PPP4R3B: variants seen among roughly 807,000 people sequenced by gnomAD.
The protein encoded by PPP4R3B is protein phosphatase 4 regulatory subunit 3B, also known as serine/threonine-protein phosphatase 4 regulatory subunit 3B.
PPP4R3B carries 52 observed loss-of-function variants against 95.4 expected under a neutral mutation model. That is an observed-to-expected ratio of 0.54 (90% CI 0.44 to 0.69). The LOEUF is 0.69. PPP4R3B is among the 30% of genes least tolerant of loss of function. The pLI, the probability that PPP4R3B is intolerant of heterozygous loss-of-function variation, is 0.00. For missense variants in PPP4R3B, 1,003 were observed against 1,005.9 expected, an observed-to-expected ratio of 1.00 and a Z score of 0.04; for synonymous variants, 407 against 343.9, an observed-to-expected ratio of 1.18 and a Z score of -2.03.
At chr2:55,597,226 C>T (rs930743235) in intron 4 of PPP4R3B, among the ~76,000 whole-genome samples, 8 of 152,122 alleles carry the variant, frequency 5.3e-5, no homozygotes, top group African/African-American at 1.9e-4. Flanking sequence ...GTGACTCATG[C>T]CTGTAATCCA....
chr2:55,604,499 T>C (rs1460137328), intron 2 of PPP4R3B, among the ~76,000 whole-genome samples: 1 of 152,068 alleles, frequency 6.6e-6, no homozygotes, highest in Non-Finnish European at 1.5e-5. Context: ...TGAAAATAGG[T>C]TAAGGCTTAA....
intron 3 of PPP4R3B, among the ~76,000 whole-genome samples, chr2:55,600,464 A>AGGGGT (rs1277587038): frequency 4.8e-5 from 6 of 125,120 alleles, no homozygotes; most frequent in Admixed American, 2.6e-4. Flanking sequence ...AAAGGCGGGC[A>AGGGGT]GGGGTGGTTA....
At chr2:55,554,996 T>C (rs1314355087) in intron 16 of PPP4R3B, among the ~76,000 whole-genome samples, 2 of 152,088 alleles carry the variant, frequency 1.3e-5, no homozygotes, top group South Asian at 4.1e-4. Flanking sequence ...AAAAGGGTAT[T>C]GTGGCCGGGC....
rs781583024 is a variant in PPP4R3B at position 55,549,185 on chromosome 2, T to C, written c.*726A>G. 4.6e-5 allele frequency: 7 copies of C among 152,294 alleles called. No homozygotes were observed. The highest frequency in any genetic ancestry group is 1.0e-4 in the Non-Finnish European group (7 of 68,034). 9.4% of individuals were successfully genotyped at this position (152,294 alleles called of 1,614,324 possible). ...TTTCAAATTTCTAGAGAAAATCATT[T>C]TGGAATACTACTGTACTGATTCTTG... On this transcript the variant is annotated 3_prime_UTR_variant, in exon 17 of 17. Transcript: ENST00000616407.
At chr2:55,576,641 G>A (rs1688713405) in intron 11 of PPP4R3B, among the ~76,000 whole-genome samples, 1 of 151,942 alleles carries the variant, frequency 6.6e-6, no homozygotes, top group Admixed American at 6.6e-5. Context: ...GGCGGAGCTT[G>A]CAGTGAGCCG....
chr2:55,573,891 T>TC (rs1688315702), intron 11 of PPP4R3B, 114 bp from the exon 12 acceptor site: 1 of 713,610 alleles, frequency 1.4e-6, no homozygotes. Context: ...TCCTCCTTTT[T>TC]TTTTTTTTTT....
chr2:55,572,722 G>A (rs956137011), intron 12 of PPP4R3B, among the ~76,000 whole-genome samples: 3 of 152,092 alleles, frequency 2.0e-5, no homozygotes, highest in Non-Finnish European at 4.4e-5. Context: ...CCTATAGAAA[G>A]AAATAAATCA....
At chr2:55,582,798 G>T (rs542151332) in intron 7 of PPP4R3B, among the ~76,000 whole-genome samples, 3 of 152,124 alleles carry the variant, frequency 2.0e-5, no homozygotes, top group South Asian at 2.1e-4. Flanking sequence ...ATTAACCTAA[G>T]ATTTTATTAT....
chr2:55,560,885 T>C (rs1686520529), intron 15 of PPP4R3B, among the ~76,000 whole-genome samples: 1 of 151,446 alleles, frequency 6.6e-6, no homozygotes, highest in African/African-American at 2.4e-5. Context: ...TTAGAATTTA[T>C]ATTTAAAAGG....
In PPP4R3B at chr2:55,568,247, G is replaced by T. The variant is rs2103987060; in HGVS notation, c.1882C>A (p.Arg628=). 1.2e-6 allele frequency: 2 copies of T among 1,604,282 alleles called. No individual in the cohort carries two copies. The highest frequency in any genetic ancestry group is 2.2e-5 in the South Asian group (2 of 89,048). The part of the protein sequence containing the change: ...VINALLDNGT[R]YNLLNSAVIE... ...ACAGCTGAATTCAACAGATTATACC[G>T]AGTTCCATTATCCAGAAGTGCATTT... is the stretch of plus-strand genomic sequence containing the variant. The change falls in exon 13 of 17, where the codon CGG becomes AGG. Residue 628 remains arginine, a synonymous_variant. Coordinates refer to ENST00000616407, the MANE Select transcript of PPP4R3B (RefSeq NM_001122964.3).
intron 4 of PPP4R3B, among the ~76,000 whole-genome samples, chr2:55,589,341 G>C: frequency 2.4e-5 from 1 of 42,478 alleles, no homozygotes; most frequent in East Asian, 2.6e-4. Context: ...TAACAGATTA[G>C]AAAAACAAGA....
intron 5 of PPP4R3B, among the ~76,000 whole-genome samples, chr2:55,587,670 C>T (rs1281197618): frequency 3.9e-5 from 6 of 152,174 alleles, no homozygotes; most frequent in African/African-American, 1.4e-4. Flanking sequence ...GCAAAAATGC[C>T]AGGTAATAAA....
chr2:55,591,484 G>A, intron 4 of PPP4R3B: 1 of 970,276 alleles, frequency 1.0e-6, no homozygotes, highest in Non-Finnish European at 1.2e-6. Flanking sequence ...TTTAGGTTAG[G>A]GTGAGTAAGT....
At chr2:55,594,722 T>C (rs1042648870) in intron 4 of PPP4R3B, among the ~76,000 whole-genome samples, 1 of 152,188 alleles carries the variant, frequency 6.6e-6, no homozygotes, top group Non-Finnish European at 1.5e-5. Flanking sequence ...GATTATTAAA[T>C]GTTTTTCTGT....
At chr2:55,588,228 T>C (rs776178261) in intron 5 of PPP4R3B, among the ~76,000 whole-genome samples, 2 of 152,162 alleles carry the variant, frequency 1.3e-5, no homozygotes, top group African/African-American at 4.8e-5. Flanking sequence ...AAGAAAAGCA[T>C]TGCGGCTAGG....
intron 4 of PPP4R3B, among the ~76,000 whole-genome samples, chr2:55,593,017 G>T (rs1337550904): frequency 6.6e-6 from 1 of 152,098 alleles, no homozygotes; most frequent in African/African-American, 2.4e-5. Context: ...AAATTAGCCA[G>T]GCATGGTGGC....
chr2:55,593,862 G>A (rs1179473831), intron 4 of PPP4R3B, among the ~76,000 whole-genome samples: 2 of 152,158 alleles, frequency 1.3e-5, no homozygotes, highest in Non-Finnish European at 2.9e-5. Flanking sequence ...ACCTGCACTT[G>A]TATATTGATC....
rs1229608870 is a variant in PPP4R3B, at chr2:55,610,967, G to A, written c.198+4484C>T. Among the ~76,000 whole-genome samples the A allele has an allele frequency of 2.0e-5, 3 of 150,208 alleles. No homozygotes were observed. The East Asian group carries it at 5.9e-4, about 30-fold the overall frequency. ...TGAAGCACTGACCTCCTGGGCTCAA[G>A]CAATTCTCCCACCTCAGATTCCCAA... is the stretch of plus-strand genomic sequence containing the variant. On this transcript the variant is annotated intron_variant, in intron 2 of 16. Coordinates refer to ENST00000616407, the MANE Select transcript of PPP4R3B (RefSeq NM_001122964.3).
chr2:55,588,440 G>A (rs185304673), intron 5 of PPP4R3B, among the ~76,000 whole-genome samples: 5,489 of 151,306 alleles, frequency 0.036, 144 homozygotes, highest in South Asian at 0.09. Context: ...TTGAACCTGG[G>A]AGGCAGAGGT....
Sources: allele counts gnomAD v4.1 joint callset (sites outside exome capture counted in the v4.1 genomes callset), GRCh38; gene constraint gnomAD v4.1.1; transcripts MANE v1.5; gene names NCBI Gene and HGNC (gene_info 2026-07-23, HGNC 2026-07-21).